Variants in KCNQ3 observed in about 807,000 individuals in gnomAD.
KCNQ3 encodes potassium voltage-gated channel subfamily KQT member 3.
In KCNQ3, 30 loss-of-function variants were observed where a neutral mutation model predicts 92.5. The observed-to-expected ratio is 0.32, with a 90% CI of 0.24 to 0.44. The LOEUF is 0.44. KCNQ3 is among the 20% of genes least tolerant of loss of function. The pLI is 1.00. For synonymous variants in KCNQ3, 450 were observed against 468.8 expected, an observed-to-expected ratio of 0.96 and a Z score of 0.52; for missense variants, 913 against 1,140.3, an observed-to-expected ratio of 0.80 and a Z score of 2.87.
intron 8 of KCNQ3, 132 bp downstream of exon 8, chr8:132,170,202 G>C: frequency 1.4e-6 from 1 of 730,116 alleles, no homozygotes; most frequent in East Asian, 2.6e-5. Flanking sequence ...GATAATTCTA[G>C]GGTGCAGCCC....
At chr8:132,449,976 T>G (rs975305617) in intron 1 of KCNQ3, among the ~76,000 whole-genome samples, 1 of 152,200 alleles carries the variant, frequency 6.6e-6, no homozygotes, top group Non-Finnish European at 1.5e-5. Flanking sequence ...TGCCTTCCAC[T>G]GGGTTCACAG....
At chr8:132,207,921 TAAAAAA>T (rs762571946) in intron 1 of KCNQ3, among the ~76,000 whole-genome samples, 1 of 103,912 alleles carries the variant, frequency 9.6e-6, no homozygotes, top group African/African-American at 3.4e-5. Context: ...TGAGAGAGAT[TAAAAAA>T]AAAAAAAAAA....
At chr8:132,447,117 C>G in intron 1 of KCNQ3, 1 of 1,221,304 alleles carries the variant, frequency 8.2e-7, no homozygotes, top group Non-Finnish European at 1.2e-6. Context: ...ATGCATGTGG[C>G]TCTTTCCCTC....
chr8:132,176,306 T>C (rs540530064), intron 4 of KCNQ3, among the ~76,000 whole-genome samples: 28 of 152,168 alleles, frequency 1.8e-4, no homozygotes, highest in Non-Finnish European at 3.4e-4. Context: ...TGTTAAGTAA[T>C]AGTCAGGATG....
intron 1 of KCNQ3, among the ~76,000 whole-genome samples, chr8:132,408,005 A>C (rs1329534092): frequency 2.0e-5 from 3 of 152,208 alleles, no homozygotes; most frequent in African/African-American, 7.2e-5. Context: ...GTAGCTCAGG[A>C]AATGAGTGAG....
At chr8:132,164,124 C>G (rs889362686) in intron 8 of KCNQ3, among the ~76,000 whole-genome samples, 1 of 152,028 alleles carries the variant, frequency 6.6e-6, no homozygotes, top group African/African-American at 2.4e-5. Context: ...ATTCATGACT[C>G]CAAGCCTTTT....
intron 1 of KCNQ3, among the ~76,000 whole-genome samples, chr8:132,207,621 C>T (rs1813705010): frequency 6.6e-6 from 1 of 152,112 alleles, no homozygotes; most frequent in South Asian, 2.1e-4. Context: ...ACTTACATTT[C>T]TTACCATGCC....
intron 1 of KCNQ3, among the ~76,000 whole-genome samples, chr8:132,382,542 G>A (rs1050711076): frequency 6.6e-6 from 1 of 152,148 alleles, no homozygotes; most frequent in Non-Finnish European, 1.5e-5. Context: ...CAATTACCCA[G>A]TCTTAGGTAT....
At chr8:132,151,162 A>T (rs1172744196) in intron 9 of KCNQ3, among the ~76,000 whole-genome samples, 2 of 152,264 alleles carry the variant, frequency 1.3e-5, no homozygotes, top group South Asian at 4.2e-4. Context: ...GGACATGTGG[A>T]ACTAACCACA....
intron 1 of KCNQ3, among the ~76,000 whole-genome samples, chr8:132,441,952 T>A (rs985253476): frequency 2.0e-5 from 3 of 152,164 alleles, no homozygotes; most frequent in Admixed American, 6.5e-5. Context: ...GAGGCCATTA[T>A]CCTCAGCAAA....
intron 1 of KCNQ3, among the ~76,000 whole-genome samples, chr8:132,380,106 G>T (rs1563886821): frequency 1.3e-5 from 2 of 152,142 alleles, no homozygotes; most frequent in Admixed American, 6.5e-5. Context: ...CTGGGTATGA[G>T]AAAATATTAG....
intron 1 of KCNQ3, among the ~76,000 whole-genome samples, chr8:132,365,552 C>T (rs73345927): frequency 0.013 from 1,947 of 152,280 alleles, 53 homozygotes; most frequent in African/African-American, 0.045. Context: ...CAGCTGTGTG[C>T]AACCTTAGAT....
intron 1 of KCNQ3, among the ~76,000 whole-genome samples, chr8:132,413,688 C>T (rs1026562934): frequency 3.9e-5 from 6 of 152,180 alleles, no homozygotes; most frequent in Admixed American, 6.5e-5. Context: ...TCAAGGACAC[C>T]GCAAGATGGA....
intron 1 of KCNQ3, among the ~76,000 whole-genome samples, chr8:132,291,086 C>T (rs1166054869): frequency 6.6e-6 from 1 of 152,144 alleles, no homozygotes; most frequent in Non-Finnish European, 1.5e-5. Flanking sequence ...TTGAGGATCT[C>T]AGCAAAAATC....
At chr8:132,427,060 C>A (rs1251450539) in intron 1 of KCNQ3, among the ~76,000 whole-genome samples, 1 of 152,202 alleles carries the variant, frequency 6.6e-6, no homozygotes, top group Non-Finnish European at 1.5e-5. Context: ...AAAAAGAATG[C>A]ATCTCACATG....
chr8:132,351,472 C>T (rs555228624), intron 1 of KCNQ3, among the ~76,000 whole-genome samples: 9 of 152,206 alleles, frequency 5.9e-5, no homozygotes, highest in Non-Finnish European at 8.8e-5. Flanking sequence ...CAGAGACTGA[C>T]GGGCTCACCC....
At chr8:132,328,319 T>G (rs1818120564) in intron 1 of KCNQ3, among the ~76,000 whole-genome samples, 2 of 152,192 alleles carry the variant, frequency 1.3e-5, no homozygotes, top group Admixed American at 1.3e-4. Flanking sequence ...ATAGTCATGC[T>G]GCCTAAGAGT....
chr8:132,209,612 T>A (rs1330717292), intron 1 of KCNQ3, among the ~76,000 whole-genome samples: 1 of 152,122 alleles, frequency 6.6e-6, no homozygotes, highest in Non-Finnish European at 1.5e-5. Context: ...TGAATTTTTT[T>A]ACTTTATAAT....
intron 1 of KCNQ3, among the ~76,000 whole-genome samples, chr8:132,319,937 C>A (rs1817852767): frequency 6.6e-6 from 1 of 152,234 alleles, no homozygotes; most frequent in South Asian, 2.1e-4. Context: ...CCCTCCCAAT[C>A]CCCACAGCAC....
Sources: allele counts gnomAD v4.1 joint callset (sites outside exome capture counted in the v4.1 genomes callset), GRCh38; gene constraint gnomAD v4.1.1; transcripts MANE v1.5; gene names NCBI Gene and HGNC (gene_info 2026-07-23, HGNC 2026-07-21).